The following HHAT variants were observed in gnomAD, a reference collection of about 807,000 sequenced individuals.
The protein encoded by HHAT is protein-cysteine N-palmitoyltransferase HHAT.
Under a neutral mutation model 70.8 loss-of-function variants are expected in HHAT, and 47 were observed. That is an observed-to-expected ratio of 0.66 (90% confidence interval 0.53 to 0.85). HHAT has a LOEUF of 0.85. HHAT is among the 40% of genes least tolerant of loss of function. The pLI is 0.00. For missense variants in HHAT, 609 were observed against 604.8 expected (o/e 1.01, Z -0.07); for synonymous variants, 228 against 247.6 (o/e 0.92, Z 0.74).
chr1:210,538,691 C>A (rs747617064), intron 9 of HHAT, among the ~76,000 whole-genome samples: 1 of 152,072 alleles, frequency 6.6e-6, no homozygotes, highest in African/African-American at 2.4e-5. Flanking sequence ...AACTGTAAAA[C>A]CTGAACAATG....
chr1:210,655,352 A>G (rs990741048), intron 11 of HHAT, among the ~76,000 whole-genome samples: 3 of 152,162 alleles, frequency 2.0e-5, no homozygotes, highest in Non-Finnish European at 2.9e-5. Context: ...ATCCATGTCA[A>G]TGGCGCCCTG....
chr1:210,464,612 C>T lies in HHAT; in HGVS notation c.964C>T (p.Pro322Ser), dbSNP rs773936014. 1.9e-6 allele frequency: 3 copies of T among 1,614,060 alleles called. No individual in the cohort carries two copies. The highest frequency in any genetic ancestry group is 2.5e-6 in the Non-Finnish European group (3 of 1,180,030). The change falls in exon 8 of 12, where the codon CCC (proline) becomes TCC (serine). Residue 322 changes from proline to serine, a missense_variant. By Grantham distance (74) the Pro-to-Ser change is moderately conservative. Coordinates refer to ENST00000261458, the MANE Select transcript of HHAT (RefSeq NM_018194.6). ...GGATGGACTCACTCCACCCGCCCTC[C>T]CCCGCTGCGTGAGCACCATGTTCAG... ...RLDGLTPPALPRCVSTMFSFT... is the reference protein window; with the variant it reads ...RLDGLTPPALSRCVSTMFSFT...
At chr1:210,636,765 A>G (rs957373614) in intron 11 of HHAT, among the ~76,000 whole-genome samples, 2 of 151,964 alleles carry the variant, frequency 1.3e-5, no homozygotes, top group East Asian at 1.9e-4. Flanking sequence ...AAACATCCCA[A>G]TTGAAACATC....
intron 2 of HHAT, among the ~76,000 whole-genome samples, chr1:210,360,323 G>GTTTTT (rs1311846105): frequency 7.2e-6 from 1 of 138,708 alleles, no homozygotes; most frequent in Non-Finnish European, 1.5e-5. Flanking sequence ...TTTTTGTTTT[G>GTTTTT]TTTTGATATG....
At chr1:210,570,189 G>T (rs1655901992) in intron 9 of HHAT, among the ~76,000 whole-genome samples, 2 of 152,312 alleles carry the variant, frequency 1.3e-5, no homozygotes, top group African/African-American at 4.8e-5. Context: ...TGAGAAGGGA[G>T]TAATGATCTC....
chr1:210,538,023 CT>C (rs1182156232), intron 9 of HHAT, among the ~76,000 whole-genome samples: 1 of 149,116 alleles, frequency 6.7e-6, no homozygotes, highest in Non-Finnish European at 1.5e-5. Flanking sequence ...ATGAAAGTAT[CT>C]TTTTGTATTA....
intron 7 of HHAT, among the ~76,000 whole-genome samples, chr1:210,455,551 C>G (rs1282574197): frequency 6.6e-6 from 1 of 152,092 alleles, no homozygotes; most frequent in Non-Finnish European, 1.5e-5. Context: ...TTGTGTGAAT[C>G]TAGTAAACGT....
chr1:210,425,723 A>C (rs894702078), intron 7 of HHAT, among the ~76,000 whole-genome samples: 1 of 152,042 alleles, frequency 6.6e-6, no homozygotes, highest in South Asian at 2.1e-4. Flanking sequence ...TATCAGTATC[A>C]TGCTGTTTTG....
chr1:210,510,053 A>C (rs952145053), intron 8 of HHAT, among the ~76,000 whole-genome samples: 1 of 152,194 alleles, frequency 6.6e-6, no homozygotes, highest in African/African-American at 2.4e-5. Context: ...TTTCCTGGCT[A>C]TTAGTTGAAT....
chr1:210,338,512 G>A (rs1399312631), intron 1 of HHAT, among the ~76,000 whole-genome samples: 1 of 152,186 alleles, frequency 6.6e-6, no homozygotes, highest in Non-Finnish European at 1.5e-5. Flanking sequence ...AATAGTAATA[G>A]CATTAAAAAC....
chr1:210,647,540 C>T (rs953540782), intron 11 of HHAT, among the ~76,000 whole-genome samples: 2 of 152,162 alleles, frequency 1.3e-5, no homozygotes, highest in African/African-American at 2.4e-5. Flanking sequence ...ATGCGGTACC[C>T]TGGCCGCCAT....
chr1:210,453,033 T>C (rs2093786505), intron 7 of HHAT, among the ~76,000 whole-genome samples: 1 of 152,188 alleles, frequency 6.6e-6, no homozygotes, highest in African/African-American at 2.4e-5. Flanking sequence ...GTTGTTGAAA[T>C]AACGCCTGTG....
At chr1:210,576,555 T>C (rs943929204) in intron 9 of HHAT, among the ~76,000 whole-genome samples, 8 of 150,212 alleles carry the variant, frequency 5.3e-5, no homozygotes, top group Admixed American at 6.6e-5. Context: ...TTAGGAGATA[T>C]ACCTAATGCT....
chr1:210,414,498 T>G (rs1220607333), intron 6 of HHAT, among the ~76,000 whole-genome samples: 1 of 149,428 alleles, frequency 6.7e-6, no homozygotes, highest in Non-Finnish European at 1.5e-5. Flanking sequence ...AATCTAAGAG[T>G]GAAGGGGGAA....
chr1:210,655,872 G>T (rs1161654437), intron 11 of HHAT, among the ~76,000 whole-genome samples: 2 of 152,062 alleles, frequency 1.3e-5, no homozygotes, highest in Non-Finnish European at 2.9e-5. Flanking sequence ...TCTGGGGGGA[G>T]GTAAGGATGA....
chr1:210,611,278 G>A (rs920623465), intron 10 of HHAT, among the ~76,000 whole-genome samples: 5 of 151,976 alleles, frequency 3.3e-5, no homozygotes, highest in South Asian at 2.1e-4. Flanking sequence ...GCAATCGTTA[G>A]TGGGAGTTAA....
intron 1 of HHAT, among the ~76,000 whole-genome samples, chr1:210,335,879 C>T (rs1015235424): frequency 6.6e-6 from 1 of 152,026 alleles, no homozygotes; most frequent in African/African-American, 2.4e-5. Flanking sequence ...GAATAGGCCA[C>T]AAAAAGCACT....
chr1:210,507,839 A>G (rs768567463), intron 8 of HHAT, among the ~76,000 whole-genome samples: 1 of 152,102 alleles, frequency 6.6e-6, no homozygotes, highest in South Asian at 2.1e-4. Flanking sequence ...AAATATTCTA[A>G]TGACAAAAAA....
At position 210,347,412 on chromosome 1, in the gene HHAT, C is replaced by T. The variant is rs577952888; in HGVS notation, c.-43-1521C>T. On this transcript the variant is annotated intron_variant, in intron 1 of 11. Transcript: ENST00000261458. ...ATTCTGGGGTTTGGCATGACTGTCA[C>T]ATGTTAGAAGTACTTGGTGGGGTTG... 6.1e-4 allele frequency among the ~76,000 whole-genome samples: 93 copies of T among 152,258 alleles called. 1 individual carries two copies. The highest frequency in any genetic ancestry group is 2.2e-3 in the African/African-American group (92 of 41,556).
Sources: gnomAD v4.1 joint callset for allele counts (sites outside exome capture counted in the v4.1 genomes callset) on GRCh38, gnomAD v4.1.1 for gene constraint, MANE v1.5 for transcripts, NCBI Gene and HGNC (gene_info 2026-07-23, HGNC 2026-07-21) for gene names.